METTL15: variants seen among roughly 807,000 people sequenced by gnomAD.
METTL15 encodes the protein methyltransferase 15, mitochondrial 12S rRNA N4-cytidine.
In METTL15, 34 loss-of-function variants were observed where a neutral mutation model predicts 38.3. The observed-to-expected ratio is 0.89, with a 90% confidence interval of 0.68 to 1.18. The LOEUF (loss-of-function observed/expected upper bound fraction) is 1.18. METTL15 is among the 50% of genes most tolerant of loss of function. The pLI is 0.00. For missense variants in METTL15, 438 were observed against 498.4 expected (o/e 0.88, Z 1.15); for synonymous variants, 162 against 170.9 (o/e 0.95, Z 0.41).
intron 3 of METTL15, among the ~76,000 whole-genome samples, chr11:28,154,904 A>T (rs1205552601): frequency 1.3e-5 from 2 of 152,180 alleles, no homozygotes. Flanking sequence ...AGATGATTTT[A>T]GCGTATGACT....
At chr11:28,289,687 A>G (rs1039767669) in intron 4 of METTL15, among the ~76,000 whole-genome samples, 2 of 152,280 alleles carry the variant, frequency 1.3e-5, no homozygotes, top group South Asian at 4.1e-4. Flanking sequence ...TATTTTAGTC[A>G]TAGTTTCATT....
intron 5 of METTL15, among the ~76,000 whole-genome samples, chr11:28,417,731 G>T (rs927108941): frequency 2.0e-5 from 3 of 152,142 alleles, no homozygotes; most frequent in African/African-American, 7.2e-5. Context: ...TGTTTCCTGA[G>T]TGTGACTCCC....
chr11:28,184,786 A>G (rs1851432497), intron 3 of METTL15, among the ~76,000 whole-genome samples: 2 of 151,524 alleles, frequency 1.3e-5, no homozygotes, highest in Non-Finnish European at 3.0e-5. Context: ...AATGTTAAAT[A>G]ATAAGGACTA....
At chr11:28,233,826 T>C (rs953316884) in intron 4 of METTL15, among the ~76,000 whole-genome samples, 1 of 151,972 alleles carries the variant, frequency 6.6e-6, no homozygotes, top group African/African-American at 2.4e-5. Flanking sequence ...TATTATACTT[T>C]AAGTTTTAGG....
chr11:28,452,616 T>C (rs992317713), intron 6 of METTL15, among the ~76,000 whole-genome samples: 2 of 152,280 alleles, frequency 1.3e-5, no homozygotes, highest in African/African-American at 4.8e-5. Context: ...TCACATCATC[T>C]TTATGTAACC....
intron 5 of METTL15, among the ~76,000 whole-genome samples, chr11:28,377,575 A>C (rs955982377): frequency 9.3e-5 from 14 of 151,320 alleles, no homozygotes; most frequent in African/African-American, 3.4e-4. Flanking sequence ...TTTTTTTCAA[A>C]GTTTTCAACT....
chr11:28,194,180 C>CTTTCTTTT (rs1851817200), intron 3 of METTL15, among the ~76,000 whole-genome samples: 2 of 34,742 alleles, frequency 5.8e-5, no homozygotes, highest in Non-Finnish European at 1.1e-4. Context: ...TTCTTTTTCT[C>CTTTCTTTT]TCTCTCTCTC....
At chr11:28,144,201 T>C (rs374045437) in intron 3 of METTL15, among the ~76,000 whole-genome samples, 1 of 152,170 alleles carries the variant, frequency 6.6e-6, no homozygotes, top group African/African-American at 2.4e-5. Flanking sequence ...AGGTTTCATA[T>C]GTGTATGTCA....
chr11:28,250,615 A>G (rs1490045268), intron 4 of METTL15, among the ~76,000 whole-genome samples: 6 of 151,970 alleles, frequency 3.9e-5, no homozygotes. Flanking sequence ...TTTCTCAGAA[A>G]AGTAGCACAG....
intron 6 of METTL15, among the ~76,000 whole-genome samples, chr11:28,489,065 G>A (rs752203460): frequency 1.3e-5 from 2 of 152,036 alleles, no homozygotes; most frequent in African/African-American, 2.4e-5. Flanking sequence ...GAAGTCTCTC[G>A]ATAGAGCTCT....
chr11:28,431,003 C>A (rs1850921491), intron 6 of METTL15, among the ~76,000 whole-genome samples: 1 of 75,310 alleles, frequency 1.3e-5, no homozygotes, highest in African/African-American at 4.0e-5. Context: ...CTCTGCCCGG[C>A]CAGCCGCCCT....
chr11:28,210,876 A>C (rs1485346276), intron 3 of METTL15, among the ~76,000 whole-genome samples, 186 bp from the exon 4 acceptor site: 2 of 151,982 alleles, frequency 1.3e-5, no homozygotes, highest in African/African-American at 4.8e-5. Flanking sequence ...GTTCTTTTAG[A>C]CTTATCACTC....
At chr11:28,115,935 TACACAC>T (rs112533269) in intron 3 of METTL15, among the ~76,000 whole-genome samples, 34 of 142,456 alleles carry the variant, frequency 2.4e-4, no homozygotes, top group African/African-American at 4.7e-4. Flanking sequence ...CACATACACA[TACACAC>T]ACACACACAC....
intron 3 of METTL15, among the ~76,000 whole-genome samples, chr11:28,120,201 C>G (rs951273073): frequency 3.3e-5 from 5 of 151,408 alleles, no homozygotes; most frequent in African/African-American, 1.2e-4. Flanking sequence ...ATCTGCCCGC[C>G]TCAGCCTCCC....
At chr11:28,327,731 CTGT>C (rs1849684442) in intron 6 of METTL15, 1 of 168,452 alleles carries the variant, frequency 5.9e-6, no homozygotes, top group African/African-American at 2.4e-5. Flanking sequence ...TAAACCAATG[CTGT>C]TGTTTATATT....
At chr11:28,294,245 G>A (rs1012381219) in intron 5 of METTL15, among the ~76,000 whole-genome samples, 57 of 152,100 alleles carry the variant, frequency 3.7e-4, no homozygotes, top group African/African-American at 1.3e-3. Flanking sequence ...CATTTGAAAA[G>A]GGGGAATTGA....
intron 5 of METTL15, among the ~76,000 whole-genome samples, chr11:28,422,720 T>C (rs1281992172): frequency 1.3e-5 from 2 of 151,992 alleles, no homozygotes; most frequent in Non-Finnish European, 2.9e-5. Flanking sequence ...AACTTAAATC[T>C]AAGACCACAA....
chr11:28,481,490 C>G (rs145378050), intron 6 of METTL15, among the ~76,000 whole-genome samples: 1 of 152,156 alleles, frequency 6.6e-6, no homozygotes, highest in Non-Finnish European at 1.5e-5. Flanking sequence ...GCACACTGAA[C>G]GTCCCTGCAA....
intron 4 of METTL15, among the ~76,000 whole-genome samples, chr11:28,267,106 G>A (rs1335550928): frequency 1.4e-5 from 2 of 143,702 alleles, no homozygotes; most frequent in East Asian, 2.1e-4. Context: ...GTTGCAGTGA[G>A]CCAAGATCGC....
Sources: allele counts gnomAD v4.1 joint callset (sites outside exome capture counted in the v4.1 genomes callset), GRCh38; gene constraint gnomAD v4.1.1; transcripts MANE v1.5; gene names NCBI Gene and HGNC (gene_info 2026-07-23, HGNC 2026-07-21).